Variants in FBXL20 observed in about 807,000 individuals in gnomAD.
FBXL20 encodes F-box and leucine rich repeat protein 20.
In FBXL20, 11 loss-of-function variants were observed where a neutral mutation model predicts 64.0. That is an observed-to-expected ratio of 0.17 (90% CI 0.11 to 0.28). The LOEUF is 0.28. Among genes scored for constraint, FBXL20 ranks in the 10% least tolerant of loss-of-function variants. FBXL20 has a pLI of 1.00. For missense variants in FBXL20, 303 were observed against 526.2 expected (o/e 0.58, Z 4.15); for synonymous variants, 184 against 189.0 (o/e 0.97, Z 0.22).
chr17:39,298,718 CA>C (rs1189842997), intron 5 of FBXL20, among the ~76,000 whole-genome samples: 20 of 151,772 alleles, frequency 1.3e-4, no homozygotes, highest in Admixed American at 7.2e-4. Context: ...TGTCTCAAAA[CA>C]TAAAATAAAA....
At chr17:39,270,488 G>A (rs1198772779) in intron 11 of FBXL20, among the ~76,000 whole-genome samples, 1 of 152,064 alleles carries the variant, frequency 6.6e-6, no homozygotes, top group Non-Finnish European at 1.5e-5. Flanking sequence ...AGGTTGCAGT[G>A]AGCCGAGATC....
At chr17:39,362,884 C>A (rs1424303654) in intron 1 of FBXL20, among the ~76,000 whole-genome samples, 1 of 152,192 alleles carries the variant, frequency 6.6e-6, no homozygotes, top group Non-Finnish European at 1.5e-5. Context: ...TCCCAAAGTG[C>A]TGGGATTACA....
chr17:39,402,086 C>T (rs1400771241), upstream of FBXL20: 1 of 1,149,296 alleles, frequency 8.7e-7, no homozygotes, highest in East Asian at 3.2e-5. Context: ...CTGCCCGCGC[C>T]CGTCGCCCCT....
intron 14 of FBXL20, among the ~76,000 whole-genome samples, chr17:39,263,404 T>C (rs1340926911): frequency 1.3e-5 from 2 of 151,930 alleles, no homozygotes; most frequent in South Asian, 4.2e-4. Context: ...TAGTCTCAGC[T>C]GTTGGGAGGC....
intron 10 of FBXL20, among the ~76,000 whole-genome samples, chr17:39,272,701 C>CAAAAAAAAAAAAAAAAAAAAA (rs56138431): frequency 1.0e-5 from 1 of 98,878 alleles, no homozygotes; most frequent in Non-Finnish European, 2.1e-5. Flanking sequence ...AACTCTATCT[C>CAAAAAAAAAAAAAAAAAAAAA]AAAAAAAAAA....
intron 1 of FBXL20, among the ~76,000 whole-genome samples, chr17:39,390,734 A>C (rs1296117226): frequency 6.6e-6 from 1 of 151,974 alleles, no homozygotes; most frequent in Non-Finnish European, 1.5e-5. Flanking sequence ...CTCAAACAAA[A>C]ACTGAGTCAG....
At chr17:39,368,170 C>A (rs769271804) in intron 1 of FBXL20, among the ~76,000 whole-genome samples, 1 of 152,190 alleles carries the variant, frequency 6.6e-6, no homozygotes, top group Non-Finnish European at 1.5e-5. Context: ...AGGAGAATCA[C>A]TTGAGGCCAG....
chr17:39,378,347 A>G lies in FBXL20; in HGVS notation c.42+23014T>C, dbSNP rs2047989348. Reference sequence around the variant, plus strand: ...TGGGCACAGAGGTGTGGTAGCTCACATTTGTAGTCTCAGCTACTTGAGAGG... The same window carrying G: ...TGGGCACAGAGGTGTGGTAGCTCACGTTTGTAGTCTCAGCTACTTGAGAGG... On this transcript the variant is annotated intron_variant, in intron 1 of 14. Coordinates refer to ENST00000264658, the MANE Select transcript of FBXL20 (RefSeq NM_032875.3). Among the ~76,000 whole-genome samples the G allele has an allele frequency of 2.0e-5, 3 of 152,206 alleles. No individual in the cohort carries two copies. In the South Asian group the frequency reaches 6.2e-4, roughly 31 times the overall value.
At chr17:39,315,456 C>T (rs2047277836) in intron 2 of FBXL20, among the ~76,000 whole-genome samples, 2 of 148,850 alleles carry the variant, frequency 1.3e-5, no homozygotes, top group Non-Finnish European at 3.0e-5. Flanking sequence ...TTTTCTTCCT[C>T]TTCCTTTCCT....
In FBXL20 at chr17:39,256,059, A is replaced by C. The variant is rs975715752; in HGVS notation, c.*5401T>G. ...AAACTGGCCAGGTGCGGTGGCTTACACCTGTAATCCCAGCACTTTGGGAGG... is the reference window on the plus strand; with the variant it reads ...AAACTGGCCAGGTGCGGTGGCTTACCCCTGTAATCCCAGCACTTTGGGAGG... On this transcript the variant is annotated 3_prime_UTR_variant, in exon 15 of 15. Transcript: ENST00000264658. 6.6e-6 allele frequency: 1 copy of C among 151,972 alleles called. No individual in the cohort carries two copies. 9.4% of individuals were successfully genotyped at this position (151,972 alleles called of 1,614,324 possible).
intron 4 of FBXL20, among the ~76,000 whole-genome samples, chr17:39,299,766 AAGCG>A (rs2144443638): frequency 6.6e-6 from 1 of 151,766 alleles, no homozygotes; most frequent in East Asian, 1.9e-4. Flanking sequence ...CTGGGCGACA[AAGCG>A]AGACTCTGTC....
intron 1 of FBXL20, among the ~76,000 whole-genome samples, chr17:39,396,333 C>G (rs1482488944): frequency 6.6e-6 from 1 of 152,130 alleles, no homozygotes; most frequent in African/African-American, 2.4e-5. Context: ...TCGTGGCTCA[C>G]ATCTGTAATC....
chr17:39,276,914 AC>A (rs2046902305), intron 9 of FBXL20, among the ~76,000 whole-genome samples: 1 of 151,906 alleles, frequency 6.6e-6, no homozygotes, highest in East Asian at 1.9e-4. Flanking sequence ...TAATGAGACC[AC>A]CCCCAACTCC....
At chr17:39,261,607 T>A (rs926192130) in intron 14 of FBXL20, 40 bp from the exon 15 acceptor site, 7 of 1,467,188 alleles carry the variant, frequency 4.8e-6, no homozygotes, top group Middle Eastern at 1.8e-4. Context: ...AAGAGAGGGC[T>A]TAAACAGAAA....
chr17:39,281,306 T>C, intron 9 of FBXL20, 83 bp downstream of exon 9: 1 of 1,239,098 alleles, frequency 8.1e-7, no homozygotes, highest in Non-Finnish European at 1.2e-6. Context: ...CTGGTCTTGA[T>C]GACTGAAGCT....
intron 11 of FBXL20, among the ~76,000 whole-genome samples, chr17:39,269,717 C>T (rs1221290122): frequency 1.3e-5 from 2 of 151,844 alleles, no homozygotes; most frequent in African/African-American, 4.8e-5. Context: ...AGGCTGATCT[C>T]GAACTCCTGA....
In FBXL20 at chr17:39,264,282, G is replaced by A. The variant is rs118097792; in HGVS notation, c.1096C>T (p.Leu366=). The change falls in exon 14 of 15, where the codon CTA becomes TTA. Residue 366 remains leucine, a synonymous_variant. Coordinates refer to ENST00000264658, the MANE Select transcript of FBXL20 (RefSeq NM_032875.3). ...TGCTCCAGGGATGCATCTGTGATTAGTGGGCAGTTGTCCAGCTCAATCACC... is the reference window on the plus strand; with the variant it reads ...TGCTCCAGGGATGCATCTGTGATTAATGGGCAGTTGTCCAGCTCAATCACC... The part of the protein sequence containing the change: ...LEVIELDNCP[L]ITDASLEHLK... The A allele has an allele frequency of 6.1e-4, 979 of 1,614,234 alleles. 10 individuals are homozygous for A. In the East Asian group the frequency reaches 0.018, roughly 30 times the overall value.
chr17:39,262,012 G>A (rs533774350), intron 14 of FBXL20, among the ~76,000 whole-genome samples: 7 of 151,862 alleles, frequency 4.6e-5, no homozygotes, highest in African/African-American at 9.7e-5. Flanking sequence ...CAAGTGGTCC[G>A]CCCAAGGATG....
intron 1 of FBXL20, among the ~76,000 whole-genome samples, chr17:39,352,682 G>GA (rs11373643): frequency 0.32 from 39,211 of 122,414 alleles, 6,092 homozygotes; most frequent in African/African-American, 0.42. Flanking sequence ...CTCTGTCTGG[G>GA]AAAAAAAAAA....
Sources: allele counts gnomAD v4.1 joint callset (sites outside exome capture counted in the v4.1 genomes callset), GRCh38; gene constraint gnomAD v4.1.1; transcripts MANE v1.5; gene names NCBI Gene and HGNC (gene_info 2026-07-23, HGNC 2026-07-21).